TPGS2: variants seen among roughly 807,000 people sequenced by gnomAD.
The protein encoded by TPGS2 is tubulin polyglutamylase complex subunit 2.
TPGS2 carries 26 observed loss-of-function variants against 31.1 expected under a neutral mutation model. The observed-to-expected ratio is 0.84, with a 90% CI of 0.61 to 1.16. The LOEUF (loss-of-function observed/expected upper bound fraction) is 1.16, where lower values mean the gene tolerates loss of function less well. TPGS2 is among the 50% of genes most tolerant of loss of function. TPGS2 has a pLI of 0.00. For synonymous variants in TPGS2, 130 were observed against 136.6 expected (o/e 0.95, Z 0.34); for missense variants, 351 against 363.8 (o/e 0.96, Z 0.29).
At position 36,828,768 on chromosome 18, in the gene TPGS2, G is replaced by T. The variant is rs2046326165; in HGVS notation, c.-1C>A. 6.2e-7 allele frequency: 1 copy of T among 1,613,128 alleles called. No homozygotes were observed. Among genetic ancestry groups the T allele is most frequent in the African/African-American group, 1.3e-5 (1 of 75,048 alleles). ...CCGGGGACGATGCCTCCTCCTCCATGGCTCGCGACCGCGATTCGCGCGCGG... is the reference window on the plus strand; with the variant it reads ...CCGGGGACGATGCCTCCTCCTCCATTGCTCGCGACCGCGATTCGCGCGCGG... On this transcript the variant is annotated 5_prime_UTR_variant, in exon 1 of 7. Coordinates refer to ENST00000334295, the MANE Select transcript of TPGS2 (RefSeq NM_015476.4).
chr18:36,807,931 T>C lies in TPGS2; in HGVS notation c.169A>G (p.Asn57Asp), dbSNP rs767662240. The C allele has an allele frequency of 1.9e-6, 3 of 1,613,988 alleles. No homozygotes were observed. The African/African-American group carries it at 4.0e-5, about 22-fold the overall frequency. The change falls in exon 3 of 7, where the codon AAT becomes GAT. Residue 57 changes from asparagine (N) to aspartate (D), a missense_variant. Physicochemically the swap from Asn to Asp is conservative, Grantham distance 23 (BLOSUM62 1). Transcript: ENST00000334295. Reference sequence around the variant, plus strand: ...ACATCTTCAGGCATCACACAGTTATTCTTCTAGAATCACAAAGCAGCTAAG... The same window carrying C: ...ACATCTTCAGGCATCACACAGTTATCCTTCTAGAATCACAAAGCAGCTAAG... Reference protein sequence around the residue: ...RHMISSWEQKNNCVMPEDVKN... With the variant: ...RHMISSWEQKDNCVMPEDVKN...
chr18:36,818,795 G>A, intron 2 of TPGS2, 99 bp downstream of exon 2: 1 of 1,105,982 alleles, frequency 9.0e-7, no homozygotes, highest in Non-Finnish European at 1.3e-6. Flanking sequence ...AGCAGCTGTG[G>A]TCTGAGTAAA....
At chr18:36,784,755 C>T (rs1399474176) in intron 6 of TPGS2, among the ~76,000 whole-genome samples, 1 of 152,210 alleles carries the variant, frequency 6.6e-6, no homozygotes, top group African/African-American at 2.4e-5. Context: ...TATTGAATAA[C>T]TCTCCAATGA....
chr18:36,803,782 A>ATCTT (rs2044962616), intron 4 of TPGS2, among the ~76,000 whole-genome samples: 1 of 152,150 alleles, frequency 6.6e-6, no homozygotes, highest in African/African-American at 2.4e-5. Context: ...TTGTTTGAGA[A>ATCTT]TCTTTGTTTT....
At chr18:36,786,748 T>G in intron 6 of TPGS2, 1 of 1,188,184 alleles carries the variant, frequency 8.4e-7, no homozygotes, top group Non-Finnish European at 1.1e-6. Context: ...GAAACTCAGT[T>G]TCTAAGGTTC....
chr18:36,812,530 A>G (rs1199832104), intron 2 of TPGS2, among the ~76,000 whole-genome samples: 27 of 152,160 alleles, frequency 1.8e-4, no homozygotes, highest in Admixed American at 1.8e-3. Flanking sequence ...GATGGCAGGG[A>G]AGTTCCACGC....
chr18:36,828,286 G>C (rs1217147766), intron 1 of TPGS2, among the ~76,000 whole-genome samples: 4 of 152,156 alleles, frequency 2.6e-5, no homozygotes, highest in Non-Finnish European at 4.4e-5. Flanking sequence ...CTGGGAGGTC[G>C]GGTGCATTAC....
chr18:36,809,961 T>A (rs917421272), intron 2 of TPGS2, among the ~76,000 whole-genome samples: 2 of 152,322 alleles, frequency 1.3e-5, no homozygotes, highest in Admixed American at 6.5e-5. Flanking sequence ...TTTATACCAA[T>A]ATTTTTTACA....
Position 36,795,607 on chromosome 18 carries a change from C to T in TPGS2, c.*1198G>A. The T allele has an allele frequency of 1.0e-6, 1 of 985,438 alleles. No individual in the cohort carries two copies. The highest frequency in any genetic ancestry group is 1.2e-6 in the Non-Finnish European group (1 of 829,946). 61.0% of individuals were successfully genotyped at this position (985,438 alleles called of 1,614,324 possible). On this transcript the variant is annotated 3_prime_UTR_variant, in exon 7 of 7. Transcript: ENST00000334295. ...TAATTGAAAATCTGAGCAACCTTCTCTGTAAAAATTTCATTAAATGTAGTA... is the reference window on the plus strand; with the variant it reads ...TAATTGAAAATCTGAGCAACCTTCTTTGTAAAAATTTCATTAAATGTAGTA...
chr18:36,781,664 C>T (rs778767730), downstream of TPGS2: 80 of 748,090 alleles, frequency 1.1e-4, no homozygotes, highest in Non-Finnish European at 1.3e-4. Context: ...ATAGCCTCTG[C>T]GACTCTGCAT....
Position 36,829,000 on chromosome 18 carries a change from C to A in TPGS2, c.-233G>T, listed in dbSNP as rs1382750667. The A allele has an allele frequency of 2.6e-6, 3 of 1,152,372 alleles. No individual in the cohort carries two copies. Among genetic ancestry groups the A allele is most frequent in the East Asian group, 3.0e-5 (1 of 33,582 alleles). The allele number at this position is 1,152,372 out of a possible 1,614,324, so 71.4% of individuals were successfully genotyped here. ...CACCTCCGGGACGTAGCTTCCCCTTCGCCCCCACCCTCTCGCCCCGCAGGG... is the reference window on the plus strand; with the variant it reads ...CACCTCCGGGACGTAGCTTCCCCTTAGCCCCCACCCTCTCGCCCCGCAGGG... On this transcript the variant is annotated 5_prime_UTR_variant, in exon 1 of 7. Transcript: ENST00000334295.
Position 36,785,247 on chromosome 18 carries a change from C to T in TPGS2, c.658-2116G>A, listed in dbSNP as rs148815474. Reference sequence around the variant, plus strand: ...CAGGGAGGCAGAGGTTGCAGTGAGCCGAGATCGCGCCATTGCACTCCAGCC... The same window carrying T: ...CAGGGAGGCAGAGGTTGCAGTGAGCTGAGATCGCGCCATTGCACTCCAGCC... On this transcript the variant is annotated intron_variant, in intron 6 of 6. Coordinates refer to the TPGS2 transcript ENST00000587129. Among the ~76,000 whole-genome samples the T allele has an allele frequency of 4.5e-3, 690 of 152,210 alleles. 7 individuals are homozygous for T. Among genetic ancestry groups the T allele is most frequent in the African/African-American group, 0.016 (651 of 41,522 alleles).
chr18:36,781,919 T>A (rs184758669), downstream of TPGS2: 47 of 985,386 alleles, frequency 4.8e-5, no homozygotes, highest in East Asian at 4.4e-3. Flanking sequence ...TTGTGTTTAA[T>A]CACCTTATTG....
chr18:36,807,782 C>T (rs2045229945), intron 3 of TPGS2, 65 bp downstream of exon 3: 1 of 1,488,582 alleles, frequency 6.7e-7, no homozygotes, highest in Non-Finnish European at 9.3e-7. Context: ...GTCGAAGGGC[C>T]CTCAGAGTTG....
chr18:36,798,644 A>G, intron 5 of TPGS2, 35 bp from the exon 6 acceptor site: 10 of 1,601,030 alleles, frequency 6.2e-6, no homozygotes, highest in Non-Finnish European at 8.5e-6. Flanking sequence ...AAAGATAAAG[A>G]ATAGCTTAAC....
At position 36,795,339 on chromosome 18, in the gene TPGS2, G is replaced by GAGA. The variant is rs1483734750; in HGVS notation, c.*1463_*1465dup. ...AAGTCTGGCCAATCACCGGGGTAGA[G>GAGA]AGAAGTCAGGAAAGAGAATGAGCCA... On this transcript the variant is annotated 3_prime_UTR_variant, in exon 7 of 7. Coordinates refer to ENST00000334295, the MANE Select transcript of TPGS2 (RefSeq NM_015476.4). 3.0e-6 allele frequency: 3 copies of GAGA among 985,436 alleles called. No homozygotes were observed. The highest frequency in any genetic ancestry group is 1.1e-4 in the East Asian group (1 of 8,808). The allele number at this position is 985,436 out of a possible 1,614,324, so 61.0% of individuals were successfully genotyped here. A position where few individuals can be genotyped will look rare whatever the true frequency, so the allele number is the denominator to read the frequency against.
downstream of TPGS2, chr18:36,789,517 A>G (rs147560183): frequency 1.8e-4 from 27 of 152,274 alleles, no homozygotes; most frequent in African/African-American, 5.5e-4. Flanking sequence ...CTTTATATGT[A>G]CTTTGTTGCT....
intron 1 of TPGS2, among the ~76,000 whole-genome samples, chr18:36,823,222 T>C (rs1379811142): frequency 6.6e-6 from 1 of 151,722 alleles, no homozygotes; most frequent in Non-Finnish European, 1.5e-5. Context: ...GCTGTTCTAT[T>C]TTCATCTGGA....
chr18:36,810,181 T>C (rs2045355710), intron 2 of TPGS2, among the ~76,000 whole-genome samples: 1 of 152,188 alleles, frequency 6.6e-6, no homozygotes, highest in Non-Finnish European at 1.5e-5. Context: ...CCTGGGGCAG[T>C]TGCTGGGCCT....
Sources: gnomAD v4.1 joint callset for allele counts (sites outside exome capture counted in the v4.1 genomes callset) on GRCh38, gnomAD v4.1.1 for gene constraint, MANE v1.5 for transcripts, NCBI Gene and HGNC (gene_info 2026-07-23, HGNC 2026-07-21) for gene names.